SPOCK3: variants seen among roughly 807,000 people sequenced by gnomAD.
SPOCK3 encodes the protein SPARC (osteonectin), cwcv and kazal like domains proteoglycan 3.
Under a neutral mutation model 56.6 loss-of-function variants are expected in SPOCK3, and 30 were observed. The observed-to-expected ratio is 0.53, with a 90% CI of 0.40 to 0.72. The LOEUF (loss-of-function observed/expected upper bound fraction) is 0.72. SPOCK3 is among the 30% of genes least tolerant of loss of function. The probability of loss-of-function intolerance (pLI) is 0.00; values close to 1 mark genes in which losing one functional copy is unlikely to be tolerated. For missense variants in SPOCK3, 527 were observed against 530.0 expected (o/e 0.99, Z 0.06); for synonymous variants, 196 against 183.3 (o/e 1.07, Z -0.56).
intron 2 of SPOCK3, among the ~76,000 whole-genome samples, chr4:167,171,220 A>C (rs1730469498): frequency 6.6e-6 from 1 of 152,158 alleles, no homozygotes; most frequent in Admixed American, 6.6e-5. Context: ...TATTTTGATT[A>C]TTCAAACTAA....
intron 2 of SPOCK3, among the ~76,000 whole-genome samples, chr4:167,076,991 CTT>C (rs1414444806): frequency 2.0e-5 from 3 of 151,742 alleles, no homozygotes; most frequent in Admixed American, 1.3e-4. Context: ...CAATCTGAGA[CTT>C]ATGTGTAAAA....
intron 4 of SPOCK3, among the ~76,000 whole-genome samples, chr4:166,993,760 G>A (rs1485933111): frequency 1.3e-5 from 2 of 152,124 alleles, no homozygotes; most frequent in Non-Finnish European, 2.9e-5. Context: ...CACTTCTAAC[G>A]TGCTATGGGC....
intron 2 of SPOCK3, among the ~76,000 whole-genome samples, chr4:167,205,552 TATATAA>T (rs1286536766): frequency 5.7e-4 from 35 of 61,450 alleles, no homozygotes; most frequent in Admixed American, 2.4e-3. Context: ...TATTATATAA[TATATAA>T]TATATATTAT....
chr4:166,944,375 T>C (rs1741472123), intron 4 of SPOCK3, among the ~76,000 whole-genome samples: 1 of 152,148 alleles, frequency 6.6e-6, no homozygotes, highest in Admixed American at 6.5e-5. Context: ...GACATAAGAT[T>C]GATACATCAC....
At chr4:166,826,382 T>C (rs1294898360) in intron 6 of SPOCK3, among the ~76,000 whole-genome samples, 1 of 152,088 alleles carries the variant, frequency 6.6e-6, no homozygotes, top group African/African-American at 2.4e-5. Flanking sequence ...TAATGGTGCA[T>C]CATCTGTTCA....
intron 3 of SPOCK3, among the ~76,000 whole-genome samples, chr4:167,052,867 T>C (rs1754368040): frequency 6.6e-6 from 1 of 152,140 alleles, no homozygotes; most frequent in South Asian, 2.1e-4. Context: ...CCTTAAGAAG[T>C]GTAATAATAG....
In SPOCK3 at chr4:167,227,605, A is replaced by C. The variant is rs149329640; in HGVS notation, c.189+6380T>G. ...GGGGTGTCCAAATCTGTAAACTAGAAGAGGTAGAAAGAATAGAAAAGATGA... is the reference window on the plus strand; with the variant it reads ...GGGGTGTCCAAATCTGTAAACTAGACGAGGTAGAAAGAATAGAAAAGATGA... On this transcript the variant is annotated intron_variant, in intron 2 of 10. Transcript: ENST00000357545. Among the ~76,000 whole-genome samples, 645 of 152,284 alleles carry C rather than the reference A, an allele frequency of 4.2e-3. 5 individuals carry two copies. Among genetic ancestry groups the C allele is most frequent in the Non-Finnish European group, 6.7e-3 (456 of 68,016 alleles).
At chr4:166,743,809 C>G (rs1048249387) in intron 8 of SPOCK3, among the ~76,000 whole-genome samples, 3 of 152,212 alleles carry the variant, frequency 2.0e-5, no homozygotes, top group Admixed American at 2.0e-4. Context: ...AGACTATATC[C>G]TGCGCCTGGT....
intron 4 of SPOCK3, among the ~76,000 whole-genome samples, chr4:166,954,302 T>C (rs1194702966): frequency 6.6e-6 from 1 of 152,200 alleles, no homozygotes; most frequent in African/African-American, 2.4e-5. Flanking sequence ...AAGCTTATAG[T>C]TTGATATCAT....
intron 2 of SPOCK3, among the ~76,000 whole-genome samples, chr4:167,183,536 T>G (rs908096363): frequency 6.6e-6 from 1 of 152,128 alleles, no homozygotes; most frequent in African/African-American, 2.4e-5. Context: ...AATGTGATAC[T>G]GAAGTGCTTT....
intron 4 of SPOCK3, among the ~76,000 whole-genome samples, chr4:166,955,239 A>G (rs1231628520): frequency 2.0e-5 from 3 of 151,694 alleles, no homozygotes; most frequent in Non-Finnish European, 4.4e-5. Context: ...ATATATTTTT[A>G]AAGAATATTG....
At chr4:166,952,381 G>A (rs1238319073) in intron 4 of SPOCK3, among the ~76,000 whole-genome samples, 5 of 152,096 alleles carry the variant, frequency 3.3e-5, no homozygotes, top group Non-Finnish European at 7.3e-5. Context: ...TACAAGGGAC[G>A]TGAAGGACCT....
At chr4:166,924,970 G>T (rs1045600076) in intron 4 of SPOCK3, among the ~76,000 whole-genome samples, 9 of 152,230 alleles carry the variant, frequency 5.9e-5, no homozygotes, top group African/African-American at 1.9e-4. Context: ...TAGGATTGGG[G>T]TTCCCTGGGG....
chr4:167,070,718 G>T (rs1756588925), intron 2 of SPOCK3, among the ~76,000 whole-genome samples: 1 of 151,852 alleles, frequency 6.6e-6, no homozygotes, highest in African/African-American at 2.4e-5. Context: ...CATCTTATTA[G>T]GGGAAGAATG....
At chr4:167,122,152 T>TTCTC (rs547205872) in intron 2 of SPOCK3, among the ~76,000 whole-genome samples, 8 of 150,006 alleles carry the variant, frequency 5.3e-5, no homozygotes, top group African/African-American at 1.7e-4. Flanking sequence ...TCTTTTCTCA[T>TTCTC]TCTCTCTCTC....
At chr4:167,094,368 T>C (rs1236655938) in intron 2 of SPOCK3, among the ~76,000 whole-genome samples, 1 of 151,994 alleles carries the variant, frequency 6.6e-6, no homozygotes, top group Admixed American at 6.6e-5. Flanking sequence ...GTAAAATCAC[T>C]CAACTAAATA....
At chr4:166,999,851 T>C (rs970466480) in intron 4 of SPOCK3, among the ~76,000 whole-genome samples, 2 of 152,122 alleles carry the variant, frequency 1.3e-5, no homozygotes, top group Admixed American at 6.6e-5. Flanking sequence ...ATCCACCGAA[T>C]AGATACAATG....
intron 2 of SPOCK3, among the ~76,000 whole-genome samples, chr4:167,205,196 C>A (rs1196154347): frequency 1.5e-4 from 13 of 89,444 alleles, no homozygotes; most frequent in South Asian, 3.1e-4. Context: ...TATTTTATAT[C>A]TATAATATAT....
rs904113980 is a variant in SPOCK3, at chr4:167,171,887, AAAG to A, written c.189+62095_189+62097del. Among the ~76,000 whole-genome samples, 12 of 152,224 alleles carry A rather than the reference AAAG, an allele frequency of 7.9e-5. No homozygotes were observed. The South Asian group carries it at 1.2e-3, about 16-fold the overall frequency. The stretch of plus-strand genomic sequence containing the variant: ...GTAAATTTAAAAAAAAAGAAAAGAA[AAAG>A]AAGAAGATTACCACCCCCCACTCCC... On this transcript the variant is annotated intron_variant, in intron 2 of 10. Coordinates refer to ENST00000357545, the MANE Select transcript of SPOCK3 (RefSeq NM_001040159.2).
Sources: gnomAD v4.1 joint callset for allele counts (sites outside exome capture counted in the v4.1 genomes callset) on GRCh38, gnomAD v4.1.1 for gene constraint, MANE v1.5 for transcripts, NCBI Gene and HGNC (gene_info 2026-07-23, HGNC 2026-07-21) for gene names.